The following KIFAP3 variants were observed in gnomAD, a reference collection of about 807,000 sequenced individuals.
KIFAP3 encodes kinesin-associated protein 3.
KIFAP3 carries 68 observed loss-of-function variants against 106.5 expected under a neutral mutation model. The observed-to-expected ratio is 0.64, with a 90% confidence interval of 0.53 to 0.78. The LOEUF is 0.78. Ranked by LOEUF, KIFAP3 falls within the 30% of genes least tolerant of loss-of-function variation. The probability of loss-of-function intolerance (pLI) is 0.00; values close to 1 mark genes in which losing one functional copy is unlikely to be tolerated. For missense variants in KIFAP3, 780 were observed against 941.8 expected (o/e 0.83, Z 2.25); for synonymous variants, 320 against 311.5 (o/e 1.03, Z -0.29).
At chr1:169,990,637 T>C (rs932478719) in intron 11 of KIFAP3, among the ~76,000 whole-genome samples, 1 of 152,100 alleles carries the variant, frequency 6.6e-6, no homozygotes, top group Non-Finnish European at 1.5e-5. Flanking sequence ...AGTAATGACA[T>C]AATAGTGATC....
At chr1:169,987,971 A>G (rs914874637) in intron 11 of KIFAP3, among the ~76,000 whole-genome samples, 1 of 152,086 alleles carries the variant, frequency 6.6e-6, no homozygotes, top group Non-Finnish European at 1.5e-5. Flanking sequence ...TACCTGAAAC[A>G]ATCTACCCAC....
chr1:169,950,818 A>G (rs1335207518), intron 19 of KIFAP3, among the ~76,000 whole-genome samples: 1 of 152,024 alleles, frequency 6.6e-6, no homozygotes, highest in Non-Finnish European at 1.5e-5. Flanking sequence ...CACCTATAGG[A>G]TATCAGGAGC....
Position 169,921,668 on chromosome 1 carries a change from A to G in KIFAP3, c.*8T>C. 6.2e-7 allele frequency: 1 copy of G among 1,602,674 alleles called. No individual in the cohort carries two copies. Among genetic ancestry groups the G allele is most frequent in the Non-Finnish European group, 8.5e-7 (1 of 1,169,808 alleles). On this transcript the variant is annotated 3_prime_UTR_variant, in exon 20 of 20. Transcript: ENST00000361580. ...AAGCTGAGATTACACATGGAAACAG[A>G]TACTTTATCAAGATCCATAGCCATA... is the stretch of plus-strand genomic sequence containing the variant.
chr1:170,022,352 C>T (rs1230146168), intron 9 of KIFAP3, among the ~76,000 whole-genome samples: 1 of 151,932 alleles, frequency 6.6e-6, no homozygotes, highest in Non-Finnish European at 1.5e-5. Context: ...TTTGTTTCAG[C>T]CTTTAGTTGC....
At chr1:169,979,044 A>C (rs2101903421) in intron 15 of KIFAP3, among the ~76,000 whole-genome samples, 1 of 152,288 alleles carries the variant, frequency 6.6e-6, no homozygotes, top group South Asian at 2.1e-4. Flanking sequence ...TCTTAAAAAG[A>C]GTATTATAAA....
chr1:169,997,461 T>C (rs932671181), intron 10 of KIFAP3, among the ~76,000 whole-genome samples: 9 of 152,132 alleles, frequency 5.9e-5, no homozygotes, highest in African/African-American at 1.9e-4. Context: ...TAGTTAGAAG[T>C]AAAGTAAGTT....
At position 169,996,627 on chromosome 1, in the gene KIFAP3, A is replaced by G. The variant is rs190200661; in HGVS notation, c.1184-4372T>C. On this transcript the variant is annotated intron_variant, in intron 10 of 19. Coordinates refer to ENST00000361580, the MANE Select transcript of KIFAP3 (RefSeq NM_014970.4). ...GATTCAAACCTAGGTCTGACTATAA[A>G]GCTCATGCATGTACTTTTAACCAAG... 4.6e-5 allele frequency among the ~76,000 whole-genome samples: 7 copies of G among 152,324 alleles called. No individual in the cohort carries two copies. The East Asian group carries it at 1.3e-3, about 29-fold the overall frequency.
At chr1:170,003,219 T>C (rs1478762846) in intron 10 of KIFAP3, among the ~76,000 whole-genome samples, 4 of 152,220 alleles carry the variant, frequency 2.6e-5, no homozygotes, top group Admixed American at 6.5e-5. Context: ...TTTCAATTTT[T>C]GGACTTACTC....
At chr1:170,053,053 GTC>G (rs1178202344) in intron 2 of KIFAP3, among the ~76,000 whole-genome samples, 7 of 152,168 alleles carry the variant, frequency 4.6e-5, no homozygotes, top group Non-Finnish European at 1.0e-4. Flanking sequence ...AAGTCAAATT[GTC>G]TCTGTTTGCA....
At chr1:169,928,199 A>G (rs1663251460) in intron 19 of KIFAP3, among the ~76,000 whole-genome samples, 1 of 151,776 alleles carries the variant, frequency 6.6e-6, no homozygotes. Context: ...ACCCAGGTTC[A>G]AGCAATTCTC....
At chr1:170,024,314 C>A in intron 9 of KIFAP3, 104 bp downstream of exon 9, 1 of 644,926 alleles carries the variant, frequency 1.6e-6, no homozygotes, top group Non-Finnish European at 2.5e-6. Flanking sequence ...AATCTTTATT[C>A]AGAATTATCT....
At position 170,055,189 on chromosome 1, in the gene KIFAP3, G is replaced by T. The variant is rs568004218; in HGVS notation, c.164+116C>A. 2.7e-5 allele frequency: 22 copies of T among 826,986 alleles called. No individual in the cohort carries two copies. In the South Asian group the frequency reaches 4.2e-4, roughly 16 times the overall value. 51.2% of individuals were successfully genotyped at this position (826,986 alleles called of 1,614,324 possible). A position where few individuals can be genotyped will look rare whatever the true frequency, so the allele number is the denominator to read the frequency against. Reference sequence around the variant, plus strand: ...ATAATCTCTCCTTCACTAAGATGAAGTATGCCTGGAAGAATGCCATAATTA... The same window carrying T: ...ATAATCTCTCCTTCACTAAGATGAATTATGCCTGGAAGAATGCCATAATTA... On this transcript the variant is annotated intron_variant, in intron 2 of 19. Transcript: ENST00000361580.
chr1:170,074,770 C>CA (rs1456549098), upstream of KIFAP3: 12 of 1,234,094 alleles, frequency 9.7e-6, no homozygotes, highest in Middle Eastern at 3.3e-4. Context: ...GCGGTGGCCT[C>CA]AGAGTTTGAC....
Position 169,961,190 on chromosome 1 carries a change from G to A in KIFAP3, c.2029C>T (p.Arg677Cys), listed in dbSNP as rs747982910. Residue 677 changes from arginine to cysteine, a missense_variant, in exon 18 of 20, where the codon CGC (arginine) becomes TGC (cysteine). Arg to Cys is a radical substitution (Grantham distance 180). Transcript: ENST00000361580. ...TCCAGCCACTGAGAGTTATGCCAGC[G>A]AAACTTTTCACTCTGAATTTTCTTA... ...WAKKIQSEKF[R>C]WHNSQWLEMV... The A allele has an allele frequency of 9.9e-6, 16 of 1,612,926 alleles. No individual in the cohort carries two copies. The highest frequency in any genetic ancestry group is 1.3e-5 in the African/African-American group (1 of 74,820).
At chr1:170,055,202 A>G (rs1327311160) in intron 2 of KIFAP3, 103 bp downstream of exon 2, 6 of 954,806 alleles carry the variant, frequency 6.3e-6, no homozygotes, top group Non-Finnish European at 9.0e-6. Flanking sequence ...TGCCTGGAAG[A>G]ATGCCATAAT....
At chr1:169,993,003 C>A (rs1667175524) in intron 10 of KIFAP3, among the ~76,000 whole-genome samples, 1 of 151,564 alleles carries the variant, frequency 6.6e-6, no homozygotes, top group Non-Finnish European at 1.5e-5. Context: ...ATCCAAAAAA[C>A]AATATCCTTT....
chr1:169,995,339 A>T (rs1018613336), intron 10 of KIFAP3, among the ~76,000 whole-genome samples: 2 of 152,072 alleles, frequency 1.3e-5, no homozygotes, highest in African/African-American at 4.8e-5. Context: ...TTCCCCCGGA[A>T]ATTGAGATAT....
At chr1:169,982,209 C>G in intron 14 of KIFAP3, 112 bp from the exon 15 acceptor site, 1 of 1,103,596 alleles carries the variant, frequency 9.1e-7, no homozygotes, top group Non-Finnish European at 1.3e-6. Context: ...TAAATCAAGT[C>G]ATATGAATCC....
rs780640998 is a variant in KIFAP3 at position 170,031,941 on chromosome 1, T to A, written c.786A>T (p.Glu262Asp). The A allele has an allele frequency of 6.2e-7, 1 of 1,611,064 alleles. No individual in the cohort carries two copies. ...GCCCCTGGTACTTTTTAAAGGTTTT[T>A]TCATAATCCTTTCTCAAGGTTTGGT... ...PENQTLRKDY[E>D]KTFKKYQGLV... Residue 262 changes from glutamate to aspartate, a missense_variant, in exon 8 of 20, where the codon GAA becomes GAT. Glu to Asp is a conservative substitution (Grantham distance 45). Transcript: ENST00000361580.
Sources: gnomAD v4.1 joint callset for allele counts (sites outside exome capture counted in the v4.1 genomes callset) on GRCh38, gnomAD v4.1.1 for gene constraint, MANE v1.5 for transcripts, NCBI Gene and HGNC (gene_info 2026-07-23, HGNC 2026-07-21) for gene names.